CCAR1: variants seen among roughly 807,000 people sequenced by gnomAD.
CCAR1 encodes cell division cycle and apoptosis regulator protein 1.
In CCAR1, 78 loss-of-function variants were observed where a neutral mutation model predicts 163.8. The ratio of observed to expected loss-of-function variants is 0.48; its 90% CI spans 0.40 to 0.57. The LOEUF (loss-of-function observed/expected upper bound fraction) is 0.57, where lower values mean the gene tolerates loss of function less well. CCAR1 is among the 20% of genes least tolerant of loss of function. CCAR1 has a pLI of 0.00. For missense variants in CCAR1, 1,019 were observed against 1,365.2 expected (o/e 0.75, Z 4.00); for synonymous variants, 443 against 460.7 (o/e 0.96, Z 0.49).
chr10:68,758,213 C>G (rs2056419684), intron 15 of CCAR1, among the ~76,000 whole-genome samples: 1 of 151,862 alleles, frequency 6.6e-6, no homozygotes, highest in African/African-American at 2.4e-5. Flanking sequence ...TACAACCATG[C>G]CAGGCTAATT....
At chr10:68,741,145 A>T (rs569785202) in intron 5 of CCAR1, among the ~76,000 whole-genome samples, 21 of 152,082 alleles carry the variant, frequency 1.4e-4, no homozygotes, top group African/African-American at 4.6e-4. Flanking sequence ...CCTAAGGTCC[A>T]GACCTTAGGT....
At chr10:68,729,275 T>G (rs1326656110) in intron 2 of CCAR1, among the ~76,000 whole-genome samples, 3 of 140,522 alleles carry the variant, frequency 2.1e-5, no homozygotes, top group Admixed American at 1.4e-4. Flanking sequence ...GTTTTTTTGG[T>G]TTTTTTTTTT....
intron 2 of CCAR1, among the ~76,000 whole-genome samples, chr10:68,730,063 G>A (rs1014730495): frequency 6.6e-6 from 1 of 151,732 alleles, no homozygotes; most frequent in African/African-American, 2.4e-5. Flanking sequence ...GGGATTATAG[G>A]CACACGTGCC....
chr10:68,782,985 T>C (rs1269805123), intron 19 of CCAR1, among the ~76,000 whole-genome samples: 1 of 147,328 alleles, frequency 6.8e-6, no homozygotes, highest in African/African-American at 2.5e-5. Flanking sequence ...GATCAGAGAG[T>C]AATTTCACTT....
intron 17 of CCAR1, 103 bp downstream of exon 17, chr10:68,766,182 C>T (rs192807492): frequency 7.9e-5 from 62 of 783,668 alleles, no homozygotes; most frequent in Middle Eastern, 3.4e-4. Context: ...TTTCGCTTTT[C>T]GTGGTTTTTT....
Position 68,761,159 on chromosome 10 carries a change from GGAT to G in CCAR1, c.2080_2082del (p.Asp694del). 1 of 1,604,326 alleles carries G rather than the reference GGAT, an allele frequency of 6.2e-7. No homozygotes were observed. Among genetic ancestry groups the G allele is most frequent in the Non-Finnish European group, 8.5e-7 (1 of 1,176,902 alleles). Reference sequence around the variant, plus strand: ...AGAAATCTGAAAAAGAAGAGGATGAGGATGATGATAGGAAATCTGAAGACGATA... The same window carrying G: ...AGAAATCTGAAAAAGAAGAGGATGAGGATGATAGGAAATCTGAAGACGATA... On this transcript the variant is annotated inframe_deletion, in exon 16 of 25. Coordinates refer to ENST00000265872, the MANE Select transcript of CCAR1 (RefSeq NM_018237.4).
At chr10:68,764,733 T>TA in intron 16 of CCAR1, among the ~76,000 whole-genome samples, 1 of 152,276 alleles carries the variant, frequency 6.6e-6, no homozygotes, top group Admixed American at 6.5e-5. Flanking sequence ...ACCAATCAGA[T>TA]ACTCACTTTC....
Position 68,783,508 on chromosome 10 carries a change from C to T in CCAR1, c.2651-2628C>T, listed in dbSNP as rs552801332. Among the ~76,000 whole-genome samples the T allele has an allele frequency of 9.2e-5, 14 of 152,130 alleles. No individual in the cohort carries two copies. In the South Asian group the frequency reaches 2.9e-3, roughly 32 times the overall value. The stretch of plus-strand genomic sequence containing the variant: ...CTTTCTGAAGTTCTAGGATCTGGTC[C>T]AGCCCTGGGGATATCCCATACTCTT... On this transcript the variant is annotated intron_variant, in intron 19 of 24. Transcript: ENST00000265872.
chr10:68,790,703 A>AT (rs2056842942), intron 24 of CCAR1, among the ~76,000 whole-genome samples: 1 of 151,332 alleles, frequency 6.6e-6, no homozygotes, highest in Admixed American at 6.6e-5. Context: ...TAATTTTTAT[A>AT]TTTTTTTTAG....
At chr10:68,737,129 C>T (rs2133323239) in intron 3 of CCAR1, 81 bp downstream of exon 3, 1 of 908,256 alleles carries the variant, frequency 1.1e-6, no homozygotes, top group Non-Finnish European at 1.7e-6. Context: ...CTTCATTTTA[C>T]AGGTAGTGAA....
chr10:68,786,856 G>C, intron 21 of CCAR1, 164 bp downstream of exon 21: 1 of 531,358 alleles, frequency 1.9e-6, no homozygotes, highest in South Asian at 2.4e-5. Flanking sequence ...AGGCTGAGGC[G>C]GGCAGATCAG....
At chr10:68,729,494 C>T (rs1289860347) in intron 2 of CCAR1, among the ~76,000 whole-genome samples, 3 of 151,760 alleles carry the variant, frequency 2.0e-5, no homozygotes, top group Non-Finnish European at 4.4e-5. Context: ...TGGTCTTGAT[C>T]TCCTGACCTT....
intron 4 of CCAR1, among the ~76,000 whole-genome samples, chr10:68,739,254 A>G (rs1171246971): frequency 6.6e-6 from 1 of 152,110 alleles, no homozygotes; most frequent in Non-Finnish European, 1.5e-5. Context: ...GATTCAAGCA[A>G]TTCTTCTGCC....
At position 68,737,003 on chromosome 10, in the gene CCAR1, T is replaced by C; in HGVS notation, c.201T>C (p.Ala67=). The stretch of plus-strand genomic sequence containing the variant: ...CAAACTATCAGTTAACACAAACTGC[T>C]GCATTGCAGCAACAAGCCGCAGCTG... The part of the protein sequence containing the change: ...TPANYQLTQT[A]ALQQQAAAAA... The change falls in exon 3 of 25, where the codon GCT becomes GCC. Residue 67 remains alanine, a synonymous_variant. Transcript: ENST00000265872. 6.2e-7 allele frequency: 1 copy of C among 1,613,820 alleles called. No individual in the cohort carries two copies. The highest frequency in any genetic ancestry group is 1.1e-5 in the South Asian group (1 of 91,072).
At chr10:68,774,081 G>C (rs542829680) in intron 19 of CCAR1, among the ~76,000 whole-genome samples, 12 of 152,032 alleles carry the variant, frequency 7.9e-5, no homozygotes, top group Non-Finnish European at 1.5e-4. Context: ...TAGTAGAGAT[G>C]GAGTTTCTCC....
chr10:68,771,239 C>T lies in CCAR1; in HGVS notation c.2332C>T (p.Leu778Phe). ...GTTTGCGGAACTTTTCAACGAAATG[C>T]TTCAAAGAGATTTTGGTGTCCGTAT... Reference protein sequence around the residue: ...SLFAELFNEMLQRDFGVRIYK... With the variant: ...SLFAELFNEMFQRDFGVRIYK... Residue 778 changes from leucine to phenylalanine, a missense_variant, in exon 18 of 25, where the codon CTT (leucine) becomes TTT (phenylalanine). Leu to Phe is a conservative substitution (Grantham distance 22). Transcript: ENST00000265872. 1 of 1,593,992 alleles carries T rather than the reference C, an allele frequency of 6.3e-7. No individual in the cohort carries two copies. Among genetic ancestry groups the T allele is most frequent in the Non-Finnish European group, 8.5e-7 (1 of 1,174,736 alleles).
chr10:68,728,656 T>C (rs1462012077), intron 2 of CCAR1, among the ~76,000 whole-genome samples: 6 of 152,162 alleles, frequency 3.9e-5, no homozygotes, highest in Non-Finnish European at 2.9e-5. Context: ...CTTTTCCTTA[T>C]AGAATAGCAC....
intron 2 of CCAR1, among the ~76,000 whole-genome samples, chr10:68,727,803 T>C (rs1339019304): frequency 6.6e-6 from 1 of 152,156 alleles, no homozygotes; most frequent in African/African-American, 2.4e-5. Context: ...GTAGCCCTTA[T>C]ATCAATTATC....
intron 10 of CCAR1, among the ~76,000 whole-genome samples, chr10:68,752,117 G>T (rs1466439650): frequency 6.6e-6 from 1 of 151,024 alleles, no homozygotes. Context: ...ACAGGGTTTC[G>T]CCGTGTTAGC....
Sources: gnomAD v4.1 joint callset for allele counts (sites outside exome capture counted in the v4.1 genomes callset) on GRCh38, gnomAD v4.1.1 for gene constraint, MANE v1.5 for transcripts, NCBI Gene and HGNC (gene_info 2026-07-23, HGNC 2026-07-21) for gene names.